CASD1: variants seen among roughly 807,000 people sequenced by gnomAD.
The protein encoded by CASD1 is N-acetylneuraminate (7)9-O-acetyltransferase.
In CASD1, 41 loss-of-function variants were observed where a neutral mutation model predicts 100.0. The ratio of observed to expected loss-of-function variants is 0.41; its 90% CI spans 0.32 to 0.53. The LOEUF (loss-of-function observed/expected upper bound fraction) is 0.53, where lower values mean the gene tolerates loss of function less well. Ranked by LOEUF, CASD1 falls within the 20% of genes least tolerant of loss-of-function variation. CASD1 has a pLI of 0.25. For synonymous variants in CASD1, 321 were observed against 315.6 expected, an observed-to-expected ratio of 1.02 and a Z score of -0.18; for missense variants, 774 against 948.7, an observed-to-expected ratio of 0.82 and a Z score of 2.42.
downstream of CASD1, among the ~76,000 whole-genome samples, chr7:94,559,750 T>G (rs1796311108): frequency 6.6e-6 from 1 of 152,072 alleles, no homozygotes; most frequent in Non-Finnish European, 1.5e-5. Context: ...GTTGTCGAAT[T>G]CCTGACCTCA....
chr7:94,517,978 C>G (rs1385673396), intron 2 of CASD1, among the ~76,000 whole-genome samples: 4 of 152,212 alleles, frequency 2.6e-5, no homozygotes, highest in Admixed American at 2.6e-4. Flanking sequence ...GCACCTAATA[C>G]AGTTAGAGTA....
At chr7:94,522,550 A>G (rs1794334588) in intron 3 of CASD1, among the ~76,000 whole-genome samples, 1 of 152,282 alleles carries the variant, frequency 6.6e-6, no homozygotes, top group Admixed American at 6.5e-5. Context: ...ATAGTAGAGC[A>G]TTAACATGCT....
chr7:94,585,008 G>T, the CASD1 span: 2 of 154,592 alleles, frequency 1.3e-5, no homozygotes, highest in Admixed American at 1.3e-4. Context: ...ACTCCCAAGT[G>T]GTATATAAAA....
the CASD1 span, among the ~76,000 whole-genome samples, chr7:94,605,711 TAAAA>T: frequency 6.6e-6 from 1 of 151,510 alleles, no homozygotes; most frequent in Non-Finnish European, 1.5e-5. Flanking sequence ...AAAACAATCA[TAAAA>T]AATGCTCAAT....
At chr7:94,603,251 A>G in the CASD1 span, 6 of 1,547,236 alleles carry the variant, frequency 3.9e-6, no homozygotes, top group African/African-American at 5.4e-5. Context: ...CAGCCACATT[A>G]TTTTTAACTA....
the CASD1 span, chr7:94,588,464 GGA>G: frequency 7.4e-7 from 1 of 1,354,940 alleles, no homozygotes; most frequent in East Asian, 2.9e-5. Context: ...GGACCTCCAT[GGA>G]TGCTTTTGCT....
chr7:94,612,577 A>G, the CASD1 span, among the ~76,000 whole-genome samples: 1 of 152,168 alleles, frequency 6.6e-6, no homozygotes, highest in Non-Finnish European at 1.5e-5. Flanking sequence ...AGTTGCTTCC[A>G]ATTTTTTGAA....
the CASD1 span, among the ~76,000 whole-genome samples, chr7:94,631,298 C>CT: frequency 0.092 from 13,400 of 146,268 alleles, 634 homozygotes; most frequent in East Asian, 0.13. Flanking sequence ...GAATTTTATA[C>CT]TTTTTTTTTT....
chr7:94,599,289 A>T, the CASD1 span: 21 of 289,786 alleles, frequency 7.2e-5, no homozygotes, highest in Non-Finnish European at 1.1e-4. Flanking sequence ...CATAGCTTTT[A>T]TATTTTTGCT....
rs767584788 is a variant in CASD1, at chr7:94,533,632, G to A, written c.505-47G>A. The stretch of plus-strand genomic sequence containing the variant: ...AGTAGGTAAATTATATACTTTAATT[G>A]TTTGTGATAAATACTAAATTAATGC... On this transcript the variant is annotated intron_variant, in intron 6 of 17. Coordinates refer to ENST00000297273, the MANE Select transcript of CASD1 (RefSeq NM_022900.5). 8.4e-6 allele frequency: 12 copies of A among 1,430,822 alleles called. No individual in the cohort carries two copies. In the Admixed American group the frequency reaches 1.5e-4, roughly 18 times the overall value. 88.6% of individuals were successfully genotyped at this position (1,430,822 alleles called of 1,614,324 possible).
chr7:94,535,656 G>T (rs1390084229), intron 8 of CASD1, 133 bp downstream of exon 8: 15 of 653,648 alleles, frequency 2.3e-5, no homozygotes, highest in African/African-American at 3.7e-5. Context: ...TGTGTATAAA[G>T]ATACATCTAG....
chr7:94,593,200 C>T, the CASD1 span, among the ~76,000 whole-genome samples: 1 of 151,978 alleles, frequency 6.6e-6, no homozygotes, highest in African/African-American at 2.4e-5. Flanking sequence ...TACTTTTATA[C>T]TTGTTAATTT....
At chr7:94,569,636 GTCTA>G in the CASD1 span, among the ~76,000 whole-genome samples, 1 of 151,684 alleles carries the variant, frequency 6.6e-6, no homozygotes, top group African/African-American at 2.4e-5. Context: ...ATAGATAGGA[GTCTA>G]TCTATGTTGT....
At chr7:94,569,277 G>A in the CASD1 span, among the ~76,000 whole-genome samples, 1 of 152,164 alleles carries the variant, frequency 6.6e-6, no homozygotes, top group Non-Finnish European at 1.5e-5. Flanking sequence ...GTAATTGACT[G>A]TACAATTGAT....
chr7:94,591,671 T>C, the CASD1 span, among the ~76,000 whole-genome samples: 231 of 152,284 alleles, frequency 1.5e-3, 1 homozygote, highest in African/African-American at 5.3e-3. Context: ...CTGTGGAATT[T>C]AGCTTGGAAA....
intron 10 of CASD1, among the ~76,000 whole-genome samples, chr7:94,541,069 G>T (rs1795368525): frequency 6.6e-6 from 1 of 151,922 alleles, no homozygotes; most frequent in African/African-American, 2.4e-5. Context: ...TAAAAAATCT[G>T]TGTTCTGGAA....
downstream of CASD1, among the ~76,000 whole-genome samples, chr7:94,559,166 A>G (rs1796296069): frequency 6.6e-6 from 1 of 152,036 alleles, no homozygotes. Context: ...CCATATTAAT[A>G]GTCATAGTAG....
At chr7:94,625,755 A>G in the CASD1 span, 1 of 152,084 alleles carries the variant, frequency 6.6e-6, no homozygotes, top group African/African-American at 2.4e-5. Context: ...TCACTGTGTG[A>G]ATACACCAAG....
At chr7:94,525,393 A>C (rs946173604) in intron 3 of CASD1, among the ~76,000 whole-genome samples, 2 of 152,192 alleles carry the variant, frequency 1.3e-5, no homozygotes, top group African/African-American at 4.8e-5. Flanking sequence ...GCAGGGACTT[A>C]AGATAGGGAA....
Sources: gnomAD v4.1 joint callset for allele counts (sites outside exome capture counted in the v4.1 genomes callset) on GRCh38, gnomAD v4.1.1 for gene constraint, MANE v1.5 for transcripts, NCBI Gene and HGNC (gene_info 2026-07-23, HGNC 2026-07-21) for gene names.